EHBP1L1: variants seen among roughly 807,000 people sequenced by gnomAD.
EHBP1L1 encodes EH domain-binding protein 1-like protein 1.
Under a neutral mutation model 151.1 loss-of-function variants are expected in EHBP1L1, and 122 were observed. That is an observed-to-expected ratio of 0.81 (90% confidence interval 0.70 to 0.94). The LOEUF (loss-of-function observed/expected upper bound fraction) is 0.94, where lower values mean the gene tolerates loss of function less well. Among genes scored for constraint, EHBP1L1 ranks in the 40% least tolerant of loss-of-function variants. The pLI, the probability that EHBP1L1 is intolerant of heterozygous loss-of-function variation, is 0.00. For missense variants in EHBP1L1, 1,941 were observed against 1,959.8 expected (o/e 0.99, Z 0.18); for synonymous variants, 878 against 810.1 (o/e 1.08, Z -1.42).
Position 65,580,204 on chromosome 11 carries a change from C to T in EHBP1L1, c.436C>T (p.Gln146Ter). Residue 146 changes from glutamine (Q) to a stop codon, truncating the protein, a stop_gained, in exon 5 of 19, where the codon CAG becomes TAG. Coordinates refer to ENST00000309295, the MANE Select transcript of EHBP1L1 (RefSeq NM_001099409.3). LOFTEE classifies it high-confidence loss of function. ...GAAGCCAAAGTCAGTGAAGGTGGTGCAGGCTGAGCTGAGCCTCACTCTTTC... is the reference window on the plus strand; with the variant it reads ...GAAGCCAAAGTCAGTGAAGGTGGTGTAGGCTGAGCTGAGCCTCACTCTTTC... ...RLKPKSVKVV[Q>*]AELSLTLSGV... The T allele has an allele frequency of 6.2e-7, 1 of 1,613,598 alleles. No homozygotes were observed. The highest frequency in any genetic ancestry group is 8.5e-7 in the Non-Finnish European group (1 of 1,179,880).
In EHBP1L1 at chr11:65,580,235, T is replaced by C. The variant is rs1251772264; in HGVS notation, c.467T>C (p.Val156Ala). The C allele has an allele frequency of 5.0e-6, 8 of 1,613,562 alleles. No individual in the cohort carries two copies. The highest frequency in any genetic ancestry group is 3.3e-5 in the Admixed American group (2 of 60,024). ...GAGCTGAGCCTCACTCTTTCCGGGGTGCTGCTGCGGGAGGGCCGTGCCACG... is the reference window on the plus strand; with the variant it reads ...GAGCTGAGCCTCACTCTTTCCGGGGCGCTGCTGCGGGAGGGCCGTGCCACG... ...QAELSLTLSG[V>A]LLREGRATDD... is the part of the protein sequence containing the mutation. Residue 156 changes from valine (V) to alanine (A), a missense_variant, in exon 5 of 19, where the codon GTG becomes GCG. Transcript: ENST00000309295.
chr11:65,579,105 G>A lies in EHBP1L1; in HGVS notation c.132G>A (p.Trp44Ter). Residue 44 changes from tryptophan to a stop codon, truncating the protein, a stop_gained, in exon 2 of 19, where the codon TGG becomes TGA. Coordinates refer to ENST00000309295, the MANE Select transcript of EHBP1L1 (RefSeq NM_001099409.3). LOFTEE classifies it high-confidence loss of function. ...AGCCAGATAAGCTGGTGGTGGTATG[G>A]ACCCGTCGGAACCGACGCATCTGCT... ...KWQPDKLVVV[W>*]TRRNRRICSK... 1 of 1,594,666 alleles carries A rather than the reference G, an allele frequency of 6.3e-7. No homozygotes were observed. The highest frequency in any genetic ancestry group is 8.5e-7 in the Non-Finnish European group (1 of 1,170,830).
Position 65,581,637 on chromosome 11 carries a change from A to T in EHBP1L1, c.965A>T (p.Asp322Val). 1 of 1,553,266 alleles carries T rather than the reference A, an allele frequency of 6.4e-7. No homozygotes were observed. Among genetic ancestry groups the T allele is most frequent in the Non-Finnish European group, 8.7e-7 (1 of 1,148,576 alleles). ...ALRPPVPQGE[D>V]EVPKASGAPP... The stretch of plus-strand genomic sequence containing the variant: ...CGGCCCCCAGTCCCCCAGGGGGAAG[A>T]TGAGGTCCCCAAAGCCTCAGGGGCT... The change falls in exon 9 of 19, where the codon GAT becomes GTT. Residue 322 changes from aspartate (D) to valine (V), a missense_variant. Coordinates refer to ENST00000309295, the MANE Select transcript of EHBP1L1 (RefSeq NM_001099409.3).
chr11:65,581,237 ACCAGC>A lies in EHBP1L1; in HGVS notation c.738_742del (p.Ala247CysfsTer20). The A allele has an allele frequency of 6.2e-7, 1 of 1,610,420 alleles. No individual in the cohort carries two copies. The highest frequency in any genetic ancestry group is 8.5e-7 in the Non-Finnish European group (1 of 1,178,656). ...TGCCAGCCCTTCTAATGCTGAGGATACCAGCCCAGCCCCTGTGAGTGCTCCTGCAC... is the reference window on the plus strand; with the variant it reads ...TGCCAGCCCTTCTAATGCTGAGGATACCAGCCCCTGTGAGTGCTCCTGCAC... On this transcript the variant is annotated frameshift_variant, in exon 8 of 19. Transcript: ENST00000309295. LOFTEE classifies it high-confidence loss of function.
chr11:65,587,320 C>T (rs901525702), intron 12 of EHBP1L1, among the ~76,000 whole-genome samples: 1 of 151,860 alleles, frequency 6.6e-6, no homozygotes, highest in African/African-American at 2.4e-5. Flanking sequence ...TCTCAGTGAG[C>T]CGAGATTGTG....
chr11:65,580,916 C>T, intron 6 of EHBP1L1, 142 bp from the exon 7 acceptor site: 3 of 1,438,048 alleles, frequency 2.1e-6, no homozygotes, highest in Non-Finnish European at 2.7e-6. Context: ...GTGGGCCTGT[C>T]TCTTCTCGCA....
In EHBP1L1 at chr11:65,581,915, G is replaced by T; in HGVS notation, c.1243G>T (p.Ala415Ser). Reference sequence around the variant, plus strand: ...GAGGTCAGGAGTCAGAGCTGGGGAGGCTGAAGAGAGTTCAGCAGTTTGTCA... The same window carrying T: ...GAGGTCAGGAGTCAGAGCTGGGGAGTCTGAAGAGAGTTCAGCAGTTTGTCA... The part of the protein sequence containing the change: ...TKRSGVRAGE[A>S]EESSAVCQVD... Residue 415 changes from alanine to serine, a missense_variant, in exon 9 of 19, where the codon GCT (alanine) becomes TCT (serine). Transcript: ENST00000309295. The T allele has an allele frequency of 1.9e-6, 3 of 1,613,762 alleles. No individual in the cohort carries two copies. Among genetic ancestry groups the T allele is most frequent in the Non-Finnish European group, 2.5e-6 (3 of 1,179,830 alleles).
intron 3 of EHBP1L1, 25 bp downstream of exon 3, chr11:65,579,461 G>A: frequency 1.4e-6 from 2 of 1,445,842 alleles, no homozygotes; most frequent in Non-Finnish European, 1.8e-6. Context: ...CTCCAGCATG[G>A]ATGGCAATTG....
rs1398864409 is a variant in EHBP1L1, at chr11:65,592,273, A to G, written c.4543A>G (p.Ser1515Gly). Reference protein sequence around the residue: ...QRRRKLSRQLSRRERCVLS With the variant: ...QRRRKLSRQLGRRERCVLS ...GCGCCGCAAGCTGAGCCGGCAGTTG[A>G]GCCGGCGGGAGCGCTGCGTGCTGAG... The change falls in exon 19 of 19, where the codon AGC becomes GGC. Residue 1515 changes from serine to glycine, a missense_variant. Ser to Gly is a moderately conservative substitution (Grantham distance 56, BLOSUM62 0). Transcript: ENST00000309295. 1 of 1,530,454 alleles carries G rather than the reference A, an allele frequency of 6.5e-7. No homozygotes were observed. 94.8% of individuals were successfully genotyped at this position (1,530,454 alleles called of 1,614,324 possible). A position where few individuals can be genotyped will look rare whatever the true frequency, so the allele number is the denominator to read the frequency against.
chr11:65,591,988 C>G lies in EHBP1L1; in HGVS notation c.4370C>G (p.Thr1457Arg). The change falls in exon 18 of 19, where the codon ACG becomes AGG. Residue 1457 changes from threonine (T) to arginine (R), a missense_variant. Thr to Arg is a moderately conservative substitution (Grantham distance 71). Coordinates refer to ENST00000309295, the MANE Select transcript of EHBP1L1 (RefSeq NM_001099409.3). Reference protein sequence around the residue: ...AMLAIEDWQKTSAQQHREQLL... With the variant: ...AMLAIEDWQKRSAQQHREQLL... Reference sequence around the variant, plus strand: ...CTTCGACCCTCAGACTGGCAGAAAACGTCCGCTCAGCAGCACCGAGAGCAG... The same window carrying G: ...CTTCGACCCTCAGACTGGCAGAAAAGGTCCGCTCAGCAGCACCGAGAGCAG... The G allele has an allele frequency of 6.2e-7, 1 of 1,612,040 alleles. No homozygotes were observed. The highest frequency in any genetic ancestry group is 8.5e-7 in the Non-Finnish European group (1 of 1,178,670).
At chr11:65,590,365 T>C in intron 15 of EHBP1L1, 128 bp from the exon 16 acceptor site, 1 of 1,496,588 alleles carries the variant, frequency 6.7e-7, no homozygotes. Flanking sequence ...CTGAAGTGGC[T>C]TCCTCGAGGC....
chr11:65,580,159 G>C lies in EHBP1L1; in HGVS notation c.391G>C (p.Val131Leu). 14 of 1,613,730 alleles carry C rather than the reference G, an allele frequency of 8.7e-6. No individual in the cohort carries two copies. The highest frequency in any genetic ancestry group is 1.2e-5 in the Non-Finnish European group (14 of 1,179,872). ...CCATGCAGGGCCCGTGCCTGTCCAA[G>C]TCCCAGTGAGGCTGCGGCTGAAGCC... is the stretch of plus-strand genomic sequence containing the variant. ...ARHAGPVPVQ[V>L]PVRLRLKPKS... The change falls in exon 5 of 19, where the codon GTC (valine) becomes CTC (leucine). Residue 131 changes from valine (V) to leucine (L), a missense_variant. Val to Leu is a conservative substitution (Grantham distance 32). Coordinates refer to ENST00000309295, the MANE Select transcript of EHBP1L1 (RefSeq NM_001099409.3).
In EHBP1L1 at chr11:65,583,256, C is replaced by A; in HGVS notation, c.2584C>A (p.Arg862=). 2 of 1,613,380 alleles carry A rather than the reference C, an allele frequency of 1.2e-6. No individual in the cohort carries two copies. The highest frequency in any genetic ancestry group is 1.7e-6 in the Non-Finnish European group (2 of 1,179,780). ...SGPEAGMAEA[R]VLMTRKTEII... ...GCCCGAGGCTGGAATGGCAGAGGCCCGAGTACTGATGACCCGTAAGACAGA... is the reference window on the plus strand; with the variant it reads ...GCCCGAGGCTGGAATGGCAGAGGCCAGAGTACTGATGACCCGTAAGACAGA... Residue 862 remains arginine (R), a synonymous_variant, in exon 9 of 19, where the codon CGA becomes AGA. Transcript: ENST00000309295.
chr11:65,589,316 C>T (rs1286772121), intron 12 of EHBP1L1, among the ~76,000 whole-genome samples: 1 of 152,180 alleles, frequency 6.6e-6, no homozygotes, highest in East Asian at 1.9e-4. Context: ...TCACCTGAAC[C>T]AGGAGGTGGA....
Position 65,576,352 on chromosome 11 carries a change from A to C in EHBP1L1, c.50A>C (p.Lys17Thr). Residue 17 changes from lysine (K) to threonine (T), a missense_variant, in exon 1 of 19, where the codon AAG becomes ACG. Physicochemically the swap from Lys to Thr is moderately conservative, Grantham distance 78 (BLOSUM62 -1). Coordinates refer to ENST00000309295, the MANE Select transcript of EHBP1L1 (RefSeq NM_001099409.3). ...RLQRVGKRAA[K>T]FQFVACYHEL... ...CAGCGCGTGGGCAAGCGGGCGGCCA[A>C]GTTCCAGTTCGTGGCCTGTTACCAC... The C allele has an allele frequency of 1.3e-6, 2 of 1,600,002 alleles. No individual in the cohort carries two copies. The highest frequency in any genetic ancestry group is 1.7e-6 in the Non-Finnish European group (2 of 1,173,794).
intron 16 of EHBP1L1, 88 bp from the exon 17 acceptor site, chr11:65,591,712 G>C: frequency 9.3e-7 from 1 of 1,077,252 alleles, no homozygotes; most frequent in Non-Finnish European, 1.4e-6. Flanking sequence ...ATGGGGTCAG[G>C]GAGTGGCCAG....
Position 65,583,159 on chromosome 11 carries a change from A to C in EHBP1L1, c.2487A>C (p.Ser829=), listed in dbSNP as rs1001696502. 1 of 1,613,234 alleles carries C rather than the reference A, an allele frequency of 6.2e-7. No homozygotes were observed. Among genetic ancestry groups the C allele is most frequent in the African/African-American group, 1.3e-5 (1 of 74,892 alleles). ...CCCAAGAGATAGCATCTAGGAGTTC[A>C]GGGGTCCCAGGGCTAGAATCTGAGG... ...LGTQEIASRS[S]GVPGLESEVA... Residue 829 remains serine (S), a synonymous_variant, in exon 9 of 19, where the codon TCA becomes TCC. Coordinates refer to ENST00000309295, the MANE Select transcript of EHBP1L1 (RefSeq NM_001099409.3).
intron 15 of EHBP1L1, 88 bp downstream of exon 15, chr11:65,590,298 G>A (rs1858202451): frequency 2.5e-6 from 4 of 1,569,900 alleles, no homozygotes; most frequent in Non-Finnish European, 3.5e-6. Flanking sequence ...GGGAGGAGCT[G>A]GGAGGAGGCA....
rs911394480 is a variant in EHBP1L1, at chr11:65,583,877, G to A, written c.3093+112G>A. ...GGTGGAATGGGATCGGGTGGGGTGG[G>A]GGGCTCAGCTTGAAGGAGCCCCCTC... On this transcript the variant is annotated intron_variant, in intron 9 of 18. Transcript: ENST00000309295. The A allele has an allele frequency of 3.5e-6, 5 of 1,425,222 alleles. No homozygotes were observed. The African/African-American group carries it at 4.3e-5, about 12-fold the overall frequency. 88.3% of individuals were successfully genotyped at this position (1,425,222 alleles called of 1,614,324 possible).
Sources: allele counts gnomAD v4.1 joint callset (sites outside exome capture counted in the v4.1 genomes callset), GRCh38; gene constraint gnomAD v4.1.1; transcripts MANE v1.5; gene names NCBI Gene and HGNC (gene_info 2026-07-23, HGNC 2026-07-21).